Variants in CDH4 observed in about 807,000 individuals in gnomAD.
The protein encoded by CDH4 is cadherin-4.
Under a neutral mutation model 86.0 loss-of-function variants are expected in CDH4, and 33 were observed. That is an observed-to-expected ratio of 0.38 (90% CI 0.29 to 0.51). CDH4 has a LOEUF of 0.51. CDH4 is among the 20% of genes least tolerant of loss of function. The pLI, the probability that CDH4 is intolerant of heterozygous loss-of-function variation, is 0.86. For missense variants in CDH4, 1,114 were observed against 1,307.4 expected (o/e 0.85, Z 2.28); for synonymous variants, 555 against 549.4 (o/e 1.01, Z -0.14).
intron 8 of CDH4, among the ~76,000 whole-genome samples, chr20:61,899,308 G>A (rs1741583928): frequency 1.3e-5 from 2 of 151,984 alleles, no homozygotes; most frequent in Non-Finnish European, 2.9e-5. Context: ...AAAGAAGAGG[G>A]AGGTGGTATA....
intron 2 of CDH4, among the ~76,000 whole-genome samples, chr20:61,699,828 C>T (rs1052548873): frequency 3.9e-5 from 6 of 152,024 alleles, no homozygotes; most frequent in Non-Finnish European, 8.8e-5. Context: ...ACACACATGT[C>T]GTGACCAGCC....
intron 4 of CDH4, among the ~76,000 whole-genome samples, chr20:61,813,854 A>G (rs1168798395): frequency 6.6e-6 from 1 of 151,938 alleles, no homozygotes; most frequent in East Asian, 1.9e-4. Context: ...CAACGGCCCT[A>G]CCCCTGCCGC....
At chr20:61,366,198 A>G (rs1431840446) in intron 2 of CDH4, among the ~76,000 whole-genome samples, 2 of 152,200 alleles carry the variant, frequency 1.3e-5, no homozygotes, top group African/African-American at 4.8e-5. Flanking sequence ...TGAAGACTCA[A>G]CCCTAAAGAG....
intron 2 of CDH4, among the ~76,000 whole-genome samples, chr20:61,305,287 C>T (rs1232105477): frequency 1.3e-5 from 2 of 152,098 alleles, no homozygotes; most frequent in African/African-American, 2.4e-5. Context: ...GCGTGGCTTT[C>T]GAGATGCAGG....
At chr20:61,403,518 C>T (rs1347690247) in intron 2 of CDH4, among the ~76,000 whole-genome samples, 5 of 152,098 alleles carry the variant, frequency 3.3e-5, no homozygotes, top group Non-Finnish European at 7.4e-5. Context: ...CTTTGTGGGC[C>T]CTGTCTCCCT....
intron 2 of CDH4, among the ~76,000 whole-genome samples, chr20:61,644,624 C>T (rs1468772119): frequency 6.6e-6 from 1 of 152,210 alleles, no homozygotes; most frequent in Non-Finnish European, 1.5e-5. Flanking sequence ...GAGGGGCGGT[C>T]TCCCCAGGCC....
chr20:61,258,270 C>T (rs1299774094), intron 2 of CDH4, among the ~76,000 whole-genome samples: 1 of 129,760 alleles, frequency 7.7e-6, no homozygotes. Context: ...GCGGAGCTTG[C>T]AGTGAGTCGA....
chr20:61,615,257 G>A (rs905308605), intron 2 of CDH4, among the ~76,000 whole-genome samples: 3 of 151,894 alleles, frequency 2.0e-5, no homozygotes, highest in Admixed American at 2.0e-4. Context: ...GAGTATCTGG[G>A]ATTATAGGTG....
intron 4 of CDH4, among the ~76,000 whole-genome samples, chr20:61,797,093 C>A (rs866326829): frequency 4.6e-4 from 70 of 152,062 alleles, no homozygotes; most frequent in East Asian, 4.1e-3. Flanking sequence ...GCCCCCCCCC[C>A]CCCAACACTG....
chr20:61,321,696 G>A (rs1023852145), intron 2 of CDH4, among the ~76,000 whole-genome samples: 14 of 152,110 alleles, frequency 9.2e-5, no homozygotes, highest in Non-Finnish European at 1.2e-4. Flanking sequence ...GGAGTAGCCT[G>A]CAGAATTGGT....
chr20:61,654,154 A>G (rs576169422), intron 2 of CDH4, among the ~76,000 whole-genome samples: 4 of 152,244 alleles, frequency 2.6e-5, no homozygotes, highest in Admixed American at 6.5e-5. Flanking sequence ...TGAGTGAACC[A>G]GACTCCGTCT....
intron 2 of CDH4, among the ~76,000 whole-genome samples, chr20:61,728,727 G>A (rs2088143214): frequency 6.6e-6 from 1 of 152,236 alleles, no homozygotes; most frequent in South Asian, 2.1e-4. Context: ...GAATGTATGA[G>A]TGAAGATTCA....
At chr20:61,388,628 C>T (rs1018515910) in intron 2 of CDH4, among the ~76,000 whole-genome samples, 4 of 152,160 alleles carry the variant, frequency 2.6e-5, no homozygotes, top group African/African-American at 9.7e-5. Flanking sequence ...CTGTCGTTAG[C>T]GTTTTTAAAA....
In CDH4 at chr20:61,297,507, A is replaced by C. The variant is rs576908337; in HGVS notation, c.169+42570A>C. Among the ~76,000 whole-genome samples, 4 of 152,380 alleles carry C rather than the reference A, an allele frequency of 2.6e-5. No individual in the cohort carries two copies. In the East Asian group the frequency reaches 7.7e-4, roughly 29 times the overall value. On this transcript the variant is annotated intron_variant, in intron 2 of 15. Transcript: ENST00000614565. ...TTTGCTCACCATGAACATATCTCAG[A>C]GGCGAATCCCCATGGTCCATCTGTG...
chr20:61,727,057 A>T (rs533651541), intron 2 of CDH4, among the ~76,000 whole-genome samples: 54 of 151,996 alleles, frequency 3.6e-4, no homozygotes, highest in Middle Eastern at 3.4e-3. Context: ...TATCATCACC[A>T]TCACTGCCAT....
chr20:61,779,778 CT>C (rs2080889700), intron 4 of CDH4, among the ~76,000 whole-genome samples: 1 of 152,236 alleles, frequency 6.6e-6, no homozygotes, highest in Non-Finnish European at 1.5e-5. Context: ...CGAGCTGGGT[CT>C]GCATCCCGAG....
At chr20:61,647,177 A>G (rs2087070034) in intron 2 of CDH4, among the ~76,000 whole-genome samples, 2 of 152,174 alleles carry the variant, frequency 1.3e-5, no homozygotes, top group South Asian at 4.1e-4. Context: ...CGTGTTCCCA[A>G]GCAGGTTCCC....
In CDH4 at chr20:61,761,956, C is replaced by T. The variant is rs7261892; in HGVS notation, c.397-11047C>T. ...GGCAGCGCCGCACGGCAGGCAGCTC[C>T]GCACAGCAGGACCAGGTTAGAGGGC... On this transcript the variant is annotated intron_variant, in intron 3 of 15. Coordinates refer to ENST00000614565, the MANE Select transcript of CDH4 (RefSeq NM_001794.5). Among the ~76,000 whole-genome samples the T allele has an allele frequency of 5.2e-3, 794 of 152,338 alleles. 7 individuals are homozygous for T. The highest frequency in any genetic ancestry group is 0.018 in the African/African-American group (749 of 41,578).
In CDH4 at chr20:61,582,286, T is replaced by A. The variant is rs1424248560; in HGVS notation, c.170-161277T>A. Among the ~76,000 whole-genome samples the A allele has an allele frequency of 6.6e-6, 1 of 152,200 alleles. No homozygotes were observed. Among genetic ancestry groups the A allele is most frequent in the Non-Finnish European group, 1.5e-5 (1 of 68,030 alleles). On this transcript the variant is annotated intron_variant, in intron 2 of 15. Coordinates refer to ENST00000614565, the MANE Select transcript of CDH4 (RefSeq NM_001794.5). This position sits in a 1 kb window ranked among gnomAD's most constrained non-coding sequence, Gnocchi z 4.2. ...GCCCTTGATTTTTGAGATGTTTGCC[T>A]CCTTATCTGTTTCCATGAGCCAGGT...
Sources: allele counts gnomAD v4.1 joint callset (sites outside exome capture counted in the v4.1 genomes callset), GRCh38; gene constraint gnomAD v4.1.1; non-coding constraint Gnocchi (gnomAD v3.1); transcripts MANE v1.5; gene names NCBI Gene and HGNC (gene_info 2026-07-23, HGNC 2026-07-21).